Variants in GPM6A observed in about 807,000 individuals in gnomAD.
GPM6A encodes the protein neuronal membrane glycoprotein M6-a.
In GPM6A, 7 loss-of-function variants were observed where a neutral mutation model predicts 32.1. The observed-to-expected ratio is 0.22, with a 90% CI of 0.12 to 0.41. GPM6A has a LOEUF of 0.41. Among genes scored for constraint, GPM6A ranks in the 10% least tolerant of loss-of-function variants. The pLI, the probability that GPM6A is intolerant of heterozygous loss-of-function variation, is 1.00. For missense variants in GPM6A, 235 were observed against 347.2 expected (o/e 0.68, Z 2.57); for synonymous variants, 130 against 123.4 (o/e 1.05, Z -0.35).
intron 3 of GPM6A, among the ~76,000 whole-genome samples, chr4:175,664,986 G>A (rs766037300): frequency 2.0e-5 from 3 of 152,156 alleles, no homozygotes; most frequent in African/African-American, 7.2e-5. Flanking sequence ...GGAGGCAACT[G>A]TAACAGGATG....
intron 1 of GPM6A, among the ~76,000 whole-genome samples, chr4:175,957,292 G>C (rs77447669): frequency 0.053 from 8,138 of 152,178 alleles, 325 homozygotes; most frequent in Non-Finnish European, 0.083. Context: ...TAAGCTAAGA[G>C]CAAAGGCAGG....
intron 1 of GPM6A, among the ~76,000 whole-genome samples, chr4:175,802,808 T>C (rs1026093348): frequency 1.3e-5 from 2 of 152,130 alleles, no homozygotes; most frequent in Non-Finnish European, 1.5e-5. Flanking sequence ...AATCTGACAG[T>C]TTAATGTATT....
At chr4:175,970,897 G>T (rs1469916004) in intron 1 of GPM6A, 1 of 448,232 alleles carries the variant, frequency 2.2e-6, no homozygotes, top group Non-Finnish European at 4.4e-6. Context: ...ACTCGATACC[G>T]ACAGACCCTT....
chr4:175,991,222 C>A (rs1400879576), intron 1 of GPM6A, among the ~76,000 whole-genome samples: 1 of 142,456 alleles, frequency 7.0e-6, no homozygotes, highest in African/African-American at 2.7e-5. Context: ...CCCGCCACCA[C>A]TCCCAGCTAT....
intron 1 of GPM6A, among the ~76,000 whole-genome samples, chr4:175,992,009 C>A (rs1741161221): frequency 6.7e-6 from 1 of 149,054 alleles, no homozygotes. Context: ...AAAAACGAAA[C>A]AAATCAATCA....
chr4:175,721,236 GA>G (rs1746117878), intron 1 of GPM6A, among the ~76,000 whole-genome samples: 1 of 150,164 alleles, frequency 6.7e-6, no homozygotes. Context: ...AGCACTCTGG[GA>G]GGCCAAAGTG....
intron 1 of GPM6A, among the ~76,000 whole-genome samples, chr4:175,855,803 T>C: frequency 6.6e-6 from 1 of 152,240 alleles, no homozygotes; most frequent in Non-Finnish European, 1.5e-5. Flanking sequence ...TGATTACACA[T>C]GGAAATATTT....
chr4:175,718,102 G>A (rs1008390676), intron 1 of GPM6A, among the ~76,000 whole-genome samples: 18 of 152,118 alleles, frequency 1.2e-4, no homozygotes, highest in Middle Eastern at 3.2e-3. Context: ...AATAGCTTAT[G>A]TTACGCCAGA....
chr4:175,848,847 T>G (rs1736167146), intron 1 of GPM6A, among the ~76,000 whole-genome samples: 1 of 152,132 alleles, frequency 6.6e-6, no homozygotes, highest in Non-Finnish European at 1.5e-5. Context: ...AATGAGCTAT[T>G]ACAATTTTTG....
At chr4:175,993,971 A>T (rs1378754413) in intron 1 of GPM6A, among the ~76,000 whole-genome samples, 1 of 152,224 alleles carries the variant, frequency 6.6e-6, no homozygotes, top group Non-Finnish European at 1.5e-5. Flanking sequence ...AATATTTATT[A>T]TGTTCACATT....
At position 175,734,135 on chromosome 4, in the gene GPM6A, CATATAT is replaced by C. The variant is rs33914767; in HGVS notation, c.38-32374_38-32369del. On this transcript the variant is annotated intron_variant, in intron 1 of 6. Transcript: ENST00000393658. The stretch of plus-strand genomic sequence containing the variant: ...GAAACCAGGTTGTTTTAATTTTTGC[CATATAT>C]ATATATATATATATATATATTTTTT... Among the ~76,000 whole-genome samples, 885 of 127,182 alleles carry C rather than the reference CATATAT, an allele frequency of 7.0e-3. 8 individuals are homozygous for C. The highest frequency in any genetic ancestry group is 0.019 in the African/African-American group (733 of 37,826). The allele number at this position is 127,182 out of a possible 152,430, so 83.4% of individuals were successfully genotyped here.
intron 1 of GPM6A, chr4:175,971,917 G>C (rs1164377012): frequency 1.3e-5 from 2 of 152,130 alleles, no homozygotes; most frequent in Non-Finnish European, 2.9e-5. Context: ...TTTTGGGAGG[G>C]TGGAAACAGT....
chr4:175,984,977 T>C (rs1285775685), intron 1 of GPM6A, among the ~76,000 whole-genome samples: 1 of 152,218 alleles, frequency 6.6e-6, no homozygotes, highest in Non-Finnish European at 1.5e-5. Context: ...TATTTAGTGC[T>C]AAACCACAGT....
chr4:175,928,476 C>A (rs1374402838), intron 1 of GPM6A, among the ~76,000 whole-genome samples: 3 of 152,116 alleles, frequency 2.0e-5, no homozygotes, highest in Non-Finnish European at 2.9e-5. Context: ...TATAAGACTG[C>A]AACATTACTC....
In GPM6A at chr4:175,651,918, A is replaced by G. The variant is rs746939779; in HGVS notation, c.457T>C (p.Tyr153His). 6.2e-7 allele frequency: 1 copy of G among 1,613,110 alleles called. No individual in the cohort carries two copies. Among genetic ancestry groups the G allele is most frequent in the Non-Finnish European group, 8.5e-7 (1 of 1,179,216 alleles). The change falls in exon 4 of 7, where the codon TAC (tyrosine) becomes CAC (histidine). Residue 153 changes from tyrosine (Y) to histidine (H), a missense_variant. Coordinates refer to ENST00000393658, the MANE Select transcript of GPM6A (RefSeq NM_201591.3). ...GVTAFTSLPV[Y>H]MYFNLWTICR... ...ATGGTCCACAGATTGAAGTACATGT[A>G]AACTGGCAGTGAGGTGAAAGCCGTG...
At chr4:175,647,056 A>G (rs1430795423) in intron 4 of GPM6A, among the ~76,000 whole-genome samples, 1 of 152,242 alleles carries the variant, frequency 6.6e-6, no homozygotes, top group Non-Finnish European at 1.5e-5. Flanking sequence ...CAACAAAAAT[A>G]GTGTGAGCAA....
chr4:175,810,600 A>G (rs1315361283), intron 1 of GPM6A, among the ~76,000 whole-genome samples: 2 of 152,218 alleles, frequency 1.3e-5, no homozygotes, highest in Non-Finnish European at 2.9e-5. Context: ...GCTCAGACAC[A>G]TTCAACCTGT....
intron 1 of GPM6A, among the ~76,000 whole-genome samples, chr4:175,986,720 T>A (rs568415486): frequency 2.0e-5 from 3 of 152,336 alleles, no homozygotes; most frequent in Admixed American, 1.3e-4. Flanking sequence ...AATTTAAGTA[T>A]CTTATTTCCC....
chr4:175,854,687 A>G (rs1736363389), intron 1 of GPM6A, among the ~76,000 whole-genome samples: 1 of 152,218 alleles, frequency 6.6e-6, no homozygotes, highest in African/African-American at 2.4e-5. Flanking sequence ...CCGTGAGTTG[A>G]AAGATTGAAC....
Sources: gnomAD v4.1 joint callset for allele counts (sites outside exome capture counted in the v4.1 genomes callset) on GRCh38, gnomAD v4.1.1 for gene constraint, MANE v1.5 for transcripts, NCBI Gene and HGNC (gene_info 2026-07-23, HGNC 2026-07-21) for gene names.